The following SGCD variants were observed in gnomAD, a reference collection of about 807,000 sequenced individuals.
SGCD encodes delta-sarcoglycan.
A neutral mutation model predicts 36.6 loss-of-function variants in SGCD; 18 were observed. The ratio of observed to expected loss-of-function variants is 0.49; its 90% CI spans 0.34 to 0.73. The LOEUF is 0.73. SGCD is among the 30% of genes least tolerant of loss of function. SGCD has a pLI of 0.01. For missense variants in SGCD, 387 were observed against 346.7 expected, an observed-to-expected ratio of 1.12 and a Z score of -0.92; for synonymous variants, 133 against 130.6, an observed-to-expected ratio of 1.02 and a Z score of -0.12.
At chr5:155,980,552 C>A in intron 1 of SGCD, among the ~76,000 whole-genome samples, 1 of 122,140 alleles carries the variant, frequency 8.2e-6, no homozygotes, top group South Asian at 2.9e-4. Flanking sequence ...CTTGCCACTG[C>A]ACTCCAGCCT....
At chr5:156,578,030 G>A (rs903102752) in intron 4 of SGCD, among the ~76,000 whole-genome samples, 22 of 152,128 alleles carry the variant, frequency 1.4e-4, no homozygotes, top group East Asian at 5.8e-4. Flanking sequence ...TGCCCATTTA[G>A]TATGATATTG....
intron 7 of SGCD, among the ~76,000 whole-genome samples, chr5:156,656,185 G>T (rs1285359792): frequency 6.6e-6 from 1 of 152,060 alleles, no homozygotes; most frequent in East Asian, 1.9e-4. Flanking sequence ...ATATGCTGAT[G>T]TGCTCTTACG....
At chr5:156,608,710 T>G (rs1269562666) in intron 6 of SGCD, among the ~76,000 whole-genome samples, 1 of 152,232 alleles carries the variant, frequency 6.6e-6, no homozygotes, top group Non-Finnish European at 1.5e-5. Flanking sequence ...AGGACTTGCT[T>G]TATGAATCTG....
At chr5:155,792,294 A>G in the SGCD span, among the ~76,000 whole-genome samples, 1 of 152,130 alleles carries the variant, frequency 6.6e-6, no homozygotes, top group Non-Finnish European at 1.5e-5. Context: ...CTCAATAAAA[A>G]TCCTGGAAGA....
intron 1 of SGCD, among the ~76,000 whole-genome samples, chr5:156,030,777 C>T (rs1759332585): frequency 6.6e-6 from 1 of 151,996 alleles, no homozygotes; most frequent in Non-Finnish European, 1.5e-5. Context: ...AGGGTTGGGA[C>T]ATCTAAGGTG....
At chr5:155,936,760 G>A (rs529576419) in intron 1 of SGCD, among the ~76,000 whole-genome samples, 16 of 152,306 alleles carry the variant, frequency 1.1e-4, no homozygotes, top group African/African-American at 3.6e-4. Context: ...CCAGGAGCCT[G>A]TCTGCCTCTT....
At chr5:156,235,440 G>A (rs1765132069) in intron 3 of SGCD, among the ~76,000 whole-genome samples, 1 of 152,168 alleles carries the variant, frequency 6.6e-6, no homozygotes, top group Admixed American at 6.5e-5. Context: ...CAAGCTACTT[G>A]CCAATAGCAC....
At chr5:155,829,596 C>T in the SGCD span, among the ~76,000 whole-genome samples, 1 of 152,186 alleles carries the variant, frequency 6.6e-6, no homozygotes, top group Non-Finnish European at 1.5e-5. Context: ...AAGGAGGCTG[C>T]TGGGAAACAA....
At chr5:156,090,863 C>G (rs745550404) in intron 1 of SGCD, among the ~76,000 whole-genome samples, 8 of 152,196 alleles carry the variant, frequency 5.3e-5, no homozygotes, top group Non-Finnish European at 8.8e-5. Flanking sequence ...CTCCTACTCA[C>G]ACGTCTGTTT....
At chr5:156,151,491 A>G (rs1762834035) in intron 3 of SGCD, among the ~76,000 whole-genome samples, 1 of 151,604 alleles carries the variant, frequency 6.6e-6, no homozygotes, top group Admixed American at 6.6e-5. Flanking sequence ...CTTATATTAA[A>G]TTTATATTTA....
chr5:155,837,522 CA>C, the SGCD span, among the ~76,000 whole-genome samples: 1 of 152,098 alleles, frequency 6.6e-6, no homozygotes, highest in African/African-American at 2.4e-5. Flanking sequence ...TATTGCTTGC[CA>C]GGGGCACCAT....
the SGCD span, among the ~76,000 whole-genome samples, chr5:155,842,083 G>A: frequency 2.0e-5 from 3 of 152,170 alleles, no homozygotes; most frequent in Admixed American, 1.3e-4. Context: ...TGAAAATGAA[G>A]CTAATATCTA....
In SGCD at chr5:155,942,295, CATGTATGT is replaced by C. The variant is rs561919666; in HGVS notation, c.-282+71906_-282+71913del. Among the ~76,000 whole-genome samples the C allele has an allele frequency of 3.5e-3, 513 of 147,046 alleles. 1 individual carries two copies. The highest frequency in any genetic ancestry group is 8.8e-3 in the African/African-American group (350 of 39,602). On this transcript the variant is annotated intron_variant, in intron 1 of 9. Coordinates refer to the SGCD transcript ENST00000517913. ...TCATCTATGTATCTATGTATGTACG[CATGTATGT>C]ATGTATGTATGTATGTATGTATGTA... is the stretch of plus-strand genomic sequence containing the variant.
intron 3 of SGCD, among the ~76,000 whole-genome samples, chr5:156,226,032 A>C (rs1764847038): frequency 6.6e-6 from 1 of 152,092 alleles, no homozygotes; most frequent in Non-Finnish European, 1.5e-5. Flanking sequence ...TATAATCAGC[A>C]ACATTCTTTT....
intron 3 of SGCD, among the ~76,000 whole-genome samples, chr5:156,482,063 G>T (rs17638584): frequency 0.16 from 24,635 of 152,088 alleles, 2,508 homozygotes; most frequent in Non-Finnish European, 0.23. Context: ...GTCACAGTCC[G>T]AATGTCAGGT....
intron 1 of SGCD, among the ~76,000 whole-genome samples, chr5:155,996,476 T>C (rs755999957): frequency 2.6e-5 from 4 of 152,238 alleles, no homozygotes; most frequent in Admixed American, 6.5e-5. Flanking sequence ...TTTTATATAT[T>C]TGGAATATAA....
the SGCD span, among the ~76,000 whole-genome samples, chr5:155,748,480 A>G: frequency 6.6e-6 from 1 of 152,264 alleles, no homozygotes; most frequent in South Asian, 2.1e-4. Flanking sequence ...AGCACACATC[A>G]GAATCACCTA....
chr5:155,816,348 G>C, the SGCD span, among the ~76,000 whole-genome samples: 1 of 152,084 alleles, frequency 6.6e-6, no homozygotes, highest in Non-Finnish European at 1.5e-5. Context: ...TGTATAATAT[G>C]TATTATAATA....
At chr5:156,099,980 A>C (rs1396256701) in intron 1 of SGCD, among the ~76,000 whole-genome samples, 1 of 152,066 alleles carries the variant, frequency 6.6e-6, no homozygotes, top group Non-Finnish European at 1.5e-5. Flanking sequence ...CCCACTTACA[A>C]ATGCATATAT....
Sources: gnomAD v4.1 joint callset for allele counts (sites outside exome capture counted in the v4.1 genomes callset) on GRCh38, gnomAD v4.1.1 for gene constraint, MANE v1.5 for transcripts, NCBI Gene and HGNC (gene_info 2026-07-23, HGNC 2026-07-21) for gene names.